The following DECR1 variants were observed in gnomAD, a reference collection of about 807,000 sequenced individuals.
DECR1 encodes 2,4-dienoyl-CoA reductase [(3E)-enoyl-CoA-producing], mitochondrial.
DECR1 carries 44 observed loss-of-function variants against 38.8 expected under a neutral mutation model. That is an observed-to-expected ratio of 1.13 (90% CI 0.89 to 1.46). The LOEUF is 1.46. DECR1 is among the 40% of genes most tolerant of loss of function. The probability of loss-of-function intolerance (pLI) is 0.00; values close to 1 mark genes in which losing one functional copy is unlikely to be tolerated. For missense variants in DECR1, 428 were observed against 405.5 expected (o/e 1.06, Z -0.48); for synonymous variants, 148 against 135.2 (o/e 1.09, Z -0.66).
At chr8:90,042,913 C>T (rs1279036975) in intron 7 of DECR1, 113 bp downstream of exon 7, 1 of 883,896 alleles carries the variant, frequency 1.1e-6, no homozygotes, top group South Asian at 1.4e-5. Context: ...GGTTTAGAGC[C>T]CTGGTTCTAG....
At chr8:90,026,896 TG>T (rs1813359975) in intron 5 of DECR1, among the ~76,000 whole-genome samples, 2 of 152,210 alleles carry the variant, frequency 1.3e-5, no homozygotes, top group African/African-American at 4.8e-5. Flanking sequence ...GCTTTAAATG[TG>T]TCCCAGAGAT....
Position 90,017,154 on chromosome 8 carries a change from C to G in DECR1, c.100C>G (p.Gln34Glu), listed in dbSNP as rs974193934. 13 of 1,613,768 alleles carry G rather than the reference C, an allele frequency of 8.1e-6. No homozygotes were observed. Among genetic ancestry groups the G allele is most frequent in the Non-Finnish European group, 1.1e-5 (13 of 1,179,758 alleles). ...CAGTTATGGGACAAAAATATTATAT[C>G]AAAACACTGAAGCTTTGCAATCTAA... ...FFSYGTKILYQNTEALQSKFF... is the reference protein window; with the variant it reads ...FFSYGTKILYENTEALQSKFF... The change falls in exon 2 of 10, where the codon CAA becomes GAA. Residue 34 changes from glutamine to glutamate, a missense_variant. Transcript: ENST00000220764.
At chr8:90,042,516 AG>A in intron 6 of DECR1, 1 of 568,368 alleles carries the variant, frequency 1.8e-6, no homozygotes, top group Non-Finnish European at 3.2e-6. Flanking sequence ...AGACCTCTTG[AG>A]ATTGACAAAT....
rs1281390228 is a variant in DECR1, at chr8:90,036,907, C to G, written c.632C>G (p.Ala211Gly). ...GGTTCAGGTTTTGTAGTACCAAGTGCTTCTGCCAAAGCAGGTGTGGAAGCC... is the reference window on the plus strand; with the variant it reads ...GGTTCAGGTTTTGTAGTACCAAGTGGTTCTGCCAAAGCAGGTGTGGAAGCC... ...ETGSGFVVPS[A>G]SAKAGVEAMS... Residue 211 changes from alanine to glycine, a missense_variant, in exon 6 of 10, where the codon GCT becomes GGT. Physicochemically the swap from Ala to Gly is moderately conservative, Grantham distance 60 (BLOSUM62 0). Transcript: ENST00000220764. 6.2e-7 allele frequency: 1 copy of G among 1,613,318 alleles called. No homozygotes were observed. The highest frequency in any genetic ancestry group is 2.2e-5 in the East Asian group (1 of 44,858).
chr8:90,010,024 A>G (rs1160271324), intron 1 of DECR1, among the ~76,000 whole-genome samples: 2 of 152,234 alleles, frequency 1.3e-5, no homozygotes, highest in African/African-American at 4.8e-5. Context: ...TGGCAACTGC[A>G]TAATTCAGCT....
intron 6 of DECR1, among the ~76,000 whole-genome samples, chr8:90,039,091 C>T (rs569048356): frequency 6.6e-6 from 1 of 152,206 alleles, no homozygotes; most frequent in South Asian, 2.1e-4. Context: ...GCTTGAGTTC[C>T]CATCAACCTT....
chr8:90,041,200 T>C (rs1342359948), intron 6 of DECR1, among the ~76,000 whole-genome samples: 1 of 152,226 alleles, frequency 6.6e-6, no homozygotes, highest in Non-Finnish European at 1.5e-5. Context: ...GTGGTTTTGA[T>C]TTGCATTTCT....
chr8:90,021,199 A>ATC, intron 5 of DECR1, 143 bp downstream of exon 5: 3 of 569,238 alleles, frequency 5.3e-6, no homozygotes, highest in Non-Finnish European at 8.1e-6. Flanking sequence ...ATATTTAAAT[A>ATC]ATTATCATAT....
intron 5 of DECR1, among the ~76,000 whole-genome samples, chr8:90,032,062 C>T: frequency 6.6e-6 from 1 of 152,040 alleles, no homozygotes; most frequent in East Asian, 1.9e-4. Flanking sequence ...AGTAAATGCA[C>T]AGAGTTGCTT....
At chr8:90,042,878 G>A (rs903574401) in intron 7 of DECR1, 78 bp downstream of exon 7, 2 of 1,276,558 alleles carry the variant, frequency 1.6e-6, no homozygotes, top group African/African-American at 1.5e-5. Flanking sequence ...TGGTTGTTGT[G>A]TAAAGGACTT....
chr8:90,016,665 A>C (rs1427941585), intron 1 of DECR1: 1 of 159,848 alleles, frequency 6.3e-6, no homozygotes, highest in Non-Finnish European at 1.4e-5. Context: ...AAACAAAACA[A>C]AACAAAACCA....
chr8:90,023,539 A>G (rs938428550), intron 5 of DECR1, among the ~76,000 whole-genome samples: 2 of 152,138 alleles, frequency 1.3e-5, no homozygotes, highest in Non-Finnish European at 2.9e-5. Flanking sequence ...AAAATATTGA[A>G]TAGGTAAAAA....
chr8:90,043,602 A>G (rs994992359), intron 7 of DECR1, among the ~76,000 whole-genome samples: 1 of 150,554 alleles, frequency 6.6e-6, no homozygotes, highest in Non-Finnish European at 1.5e-5. Context: ...AAATAATACT[A>G]AAGGACTTTT....
chr8:90,023,675 C>T (rs1347744780), intron 5 of DECR1, among the ~76,000 whole-genome samples: 1 of 151,914 alleles, frequency 6.6e-6, no homozygotes, highest in African/African-American at 2.4e-5. Flanking sequence ...AAATATCCTT[C>T]ATCAGCTTTG....
chr8:90,027,069 G>T (rs1211657456), intron 5 of DECR1, among the ~76,000 whole-genome samples: 1 of 152,196 alleles, frequency 6.6e-6, no homozygotes, highest in Non-Finnish European at 1.5e-5. Context: ...TCGTTTGATT[G>T]CACTGTGGTC....
intron 5 of DECR1, among the ~76,000 whole-genome samples, chr8:90,028,478 G>A (rs76743346): frequency 0.045 from 6,879 of 152,082 alleles, 296 homozygotes; most frequent in East Asian, 0.19. Context: ...TTGGTGTTGA[G>A]TCACATGGAT....
At chr8:90,022,073 A>T (rs540829363) in intron 5 of DECR1, among the ~76,000 whole-genome samples, 6 of 152,226 alleles carry the variant, frequency 3.9e-5, no homozygotes, top group Admixed American at 3.9e-4. Flanking sequence ...CTGTCCCTGA[A>T]TAATTTGGGG....
At chr8:90,048,727 C>A (rs1341601420) in intron 8 of DECR1, among the ~76,000 whole-genome samples, 1 of 151,874 alleles carries the variant, frequency 6.6e-6, no homozygotes, top group Non-Finnish European at 1.5e-5. Flanking sequence ...GGCAGAGATA[C>A]AACAACAAAA....
At chr8:90,036,298 T>C (rs1357950865) in intron 5 of DECR1, among the ~76,000 whole-genome samples, 1 of 152,086 alleles carries the variant, frequency 6.6e-6, no homozygotes, top group Non-Finnish European at 1.5e-5. Context: ...CTATATAGTA[T>C]CTTTAGGCAA....
Sources: gnomAD v4.1 joint callset for allele counts (sites outside exome capture counted in the v4.1 genomes callset) on GRCh38, gnomAD v4.1.1 for gene constraint, MANE v1.5 for transcripts, NCBI Gene and HGNC (gene_info 2026-07-23, HGNC 2026-07-21) for gene names.